PDK1: variants seen among roughly 807,000 people sequenced by gnomAD.
PDK1 encodes the protein pyruvate dehydrogenase kinase 1, also known as [Pyruvate dehydrogenase (acetyl-transferring)] kinase isozyme 1, mitochondrial.
Under a neutral mutation model 54.2 loss-of-function variants are expected in PDK1, and 39 were observed. The ratio of observed to expected loss-of-function variants is 0.72; its 90% CI spans 0.56 to 0.94. The LOEUF (loss-of-function observed/expected upper bound fraction) is 0.94. PDK1 is among the 40% of genes least tolerant of loss of function. The probability of loss-of-function intolerance (pLI) is 0.00; values close to 1 mark genes in which losing one functional copy is unlikely to be tolerated. For synonymous variants in PDK1, 221 were observed against 207.1 expected (o/e 1.07, Z -0.58); for missense variants, 552 against 566.0 (o/e 0.98, Z 0.25).
the PDK1 span, among the ~76,000 whole-genome samples, chr2:172,644,241 A>G: frequency 6.6e-6 from 1 of 152,228 alleles, no homozygotes; most frequent in Non-Finnish European, 1.5e-5. Context: ...AAGGAATATA[A>G]CAAGGAGTTG....
chr2:172,634,062 G>A, the PDK1 span, among the ~76,000 whole-genome samples: 2 of 150,504 alleles, frequency 1.3e-5, no homozygotes, highest in Non-Finnish European at 3.0e-5. Context: ...ATTTAGTAGA[G>A]ATGGGGTTTC....
the PDK1 span, among the ~76,000 whole-genome samples, chr2:172,672,459 T>C: frequency 6.6e-6 from 1 of 152,162 alleles, no homozygotes; most frequent in South Asian, 2.1e-4. Flanking sequence ...ATTTGTGATT[T>C]TTAAATAATG....
chr2:172,637,631 CTT>C, the PDK1 span, among the ~76,000 whole-genome samples: 1 of 152,100 alleles, frequency 6.6e-6, no homozygotes, highest in African/African-American at 2.4e-5. Context: ...AAATACATAA[CTT>C]AGTACTTTCA....
chr2:172,705,968 G>C, the PDK1 span, among the ~76,000 whole-genome samples: 5 of 152,204 alleles, frequency 3.3e-5, no homozygotes, highest in Non-Finnish European at 7.3e-5. Context: ...TCATGCAGTT[G>C]TAAGAAATAA....
chr2:172,707,530 G>A, the PDK1 span, among the ~76,000 whole-genome samples: 1 of 152,202 alleles, frequency 6.6e-6, no homozygotes, highest in African/African-American at 2.4e-5. Flanking sequence ...CAGGCTGCCA[G>A]CTTCGACAGC....
At chr2:172,556,609 T>G in intron 1 of PDK1, 1 of 328,134 alleles carries the variant, frequency 3.0e-6, no homozygotes. Context: ...ACCTCCCGCC[T>G]CCCGGCGCAC....
At chr2:172,670,602 G>C in the PDK1 span, among the ~76,000 whole-genome samples, 1 of 151,808 alleles carries the variant, frequency 6.6e-6, no homozygotes, top group Non-Finnish European at 1.5e-5. Flanking sequence ...AATTTCCCTT[G>C]GGCATTAAGT....
intron 9 of PDK1, among the ~76,000 whole-genome samples, 168 bp from the exon 10 acceptor site, chr2:172,592,767 C>G (rs1289773671): frequency 1.3e-5 from 2 of 152,060 alleles, no homozygotes; most frequent in African/African-American, 4.8e-5. Context: ...CTCAAGTAAA[C>G]CTCAGCTTAA....
the PDK1 span, among the ~76,000 whole-genome samples, chr2:172,667,367 G>A: frequency 6.6e-6 from 1 of 152,156 alleles, no homozygotes; most frequent in African/African-American, 2.4e-5. Flanking sequence ...GGGCAATGGG[G>A]CTGTCCCTAG....
chr2:172,706,304 G>A, the PDK1 span, among the ~76,000 whole-genome samples: 5 of 150,584 alleles, frequency 3.3e-5, no homozygotes, highest in African/African-American at 7.3e-5. Flanking sequence ...TTGGTGATTC[G>A]TTTCTAGTGT....
the PDK1 span, among the ~76,000 whole-genome samples, chr2:172,644,119 G>C: frequency 6.6e-6 from 1 of 151,652 alleles, no homozygotes; most frequent in African/African-American, 2.4e-5. Flanking sequence ...AGGGCATGAG[G>C]AGGCATCCAG....
intron 8 of PDK1, among the ~76,000 whole-genome samples, chr2:172,574,589 T>C (rs1389763669): frequency 6.6e-6 from 1 of 151,978 alleles, no homozygotes; most frequent in Non-Finnish European, 1.5e-5. Flanking sequence ...TTTATAGGTC[T>C]TCTTTGCTTT....
downstream of PDK1, among the ~76,000 whole-genome samples, chr2:172,611,475 A>AT (rs979330624): frequency 7.9e-5 from 12 of 152,222 alleles, no homozygotes; most frequent in Admixed American, 6.5e-4. Flanking sequence ...AGTTTCATAC[A>AT]TTAAGTATGT....
rs1690926647 is a variant in PDK1 at position 172,596,955 on chromosome 2, G to A, written c.*986G>A. The stretch of plus-strand genomic sequence containing the variant: ...GCTAAAGTAACATCTGTAGGTTTTG[G>A]TTTCCACCTATTTAAAGTCAGATTT... On this transcript the variant is annotated 3_prime_UTR_variant, in exon 11 of 11. Coordinates refer to ENST00000282077, the MANE Select transcript of PDK1 (RefSeq NM_002610.5). 1 of 152,088 alleles carries A rather than the reference G, an allele frequency of 6.6e-6. No individual in the cohort carries two copies. Among genetic ancestry groups the A allele is most frequent in the Non-Finnish European group, 1.5e-5 (1 of 68,002 alleles). 9.4% of individuals were successfully genotyped at this position (152,088 alleles called of 1,614,324 possible).
chr2:172,643,489 T>C, the PDK1 span, among the ~76,000 whole-genome samples: 1 of 152,190 alleles, frequency 6.6e-6, no homozygotes, highest in African/African-American at 2.4e-5. Context: ...GCATCTCTTC[T>C]AGCCCCTGGG....
At chr2:172,657,190 T>C in the PDK1 span, among the ~76,000 whole-genome samples, 1 of 151,872 alleles carries the variant, frequency 6.6e-6, no homozygotes, top group African/African-American at 2.4e-5. Flanking sequence ...ATTTTTATTA[T>C]TTATTATTAT....
At chr2:172,668,495 TG>T in the PDK1 span, among the ~76,000 whole-genome samples, 1 of 151,692 alleles carries the variant, frequency 6.6e-6, no homozygotes, top group Non-Finnish European at 1.5e-5. Context: ...TGAACTCAAG[TG>T]GCCTACTCTT....
intron 10 of PDK1, among the ~76,000 whole-genome samples, chr2:172,594,340 A>G (rs1306322190): frequency 6.6e-6 from 1 of 152,128 alleles, no homozygotes; most frequent in African/African-American, 2.4e-5. Flanking sequence ...CAATGTTTTT[A>G]TGACAAAATG....
intron 8 of PDK1, among the ~76,000 whole-genome samples, chr2:172,573,331 A>G (rs192939213): frequency 1.7e-4 from 26 of 152,200 alleles, no homozygotes; most frequent in Non-Finnish European, 3.2e-4. Flanking sequence ...GCATTTGTCT[A>G]ATGACTATGA....
Sources: allele counts gnomAD v4.1 joint callset (sites outside exome capture counted in the v4.1 genomes callset), GRCh38; gene constraint gnomAD v4.1.1; transcripts MANE v1.5; gene names NCBI Gene and HGNC (gene_info 2026-07-23, HGNC 2026-07-21).